Variants in TMPRSS15 observed in about 807,000 individuals in gnomAD.
TMPRSS15 encodes the protein enteropeptidase.
A neutral mutation model predicts 125.3 loss-of-function variants in TMPRSS15; 128 were observed. That is an observed-to-expected ratio of 1.02 (90% CI 0.89 to 1.18). TMPRSS15 has a LOEUF of 1.18. TMPRSS15 is among the 50% of genes most tolerant of loss of function. TMPRSS15 has a pLI of 0.00. For synonymous variants in TMPRSS15, 446 were observed against 423.2 expected, an observed-to-expected ratio of 1.05 and a Z score of -0.66; for missense variants, 1,283 against 1,212.7, an observed-to-expected ratio of 1.06 and a Z score of -0.86.
intron 1 of TMPRSS15, among the ~76,000 whole-genome samples, chr21:18,431,095 A>G (rs1205557907): frequency 6.6e-6 from 1 of 152,198 alleles, no homozygotes; most frequent in East Asian, 1.9e-4. Context: ...CAAATTGTCC[A>G]GATCACCATT....
intron 1 of TMPRSS15, among the ~76,000 whole-genome samples, chr21:18,466,628 G>A (rs1978667494): frequency 6.6e-6 from 1 of 152,230 alleles, no homozygotes; most frequent in East Asian, 1.9e-4. Context: ...CTCAAAAGAA[G>A]ACATTTATGT....
Position 18,352,934 on chromosome 21 carries a change from G to A in TMPRSS15, c.1140C>T (p.Pro380=). The A allele has an allele frequency of 6.2e-7, 1 of 1,612,150 alleles. No homozygotes were observed. The highest frequency in any genetic ancestry group is 8.5e-7 in the Non-Finnish European group (1 of 1,178,796). The change falls in exon 10 of 25, where the codon CCC becomes CCT. Residue 380 remains proline, a synonymous_variant. Coordinates refer to ENST00000284885, the MANE Select transcript of TMPRSS15 (RefSeq NM_002772.3). ...CATTGCCAAAAGTGTGGTCAAAATT[G>A]GGTCCAGTAAAAGGAGAAAAGGTGC... ...QGSTFSPFTG[P]NFDHTFGNAS... is the part of the protein sequence containing the mutation.
chr21:18,320,565 T>C (rs896704375), intron 16 of TMPRSS15, among the ~76,000 whole-genome samples: 3 of 152,194 alleles, frequency 2.0e-5, no homozygotes, highest in Admixed American at 1.3e-4. Flanking sequence ...GTTTTAAAAA[T>C]GTAATTCATT....
chr21:18,341,281 G>C (rs1010590287), intron 13 of TMPRSS15, 132 bp downstream of exon 13: 1 of 1,065,396 alleles, frequency 9.4e-7, no homozygotes, highest in Non-Finnish European at 1.4e-6. Context: ...GTAATCCTCA[G>C]GCTGGTCTCA....
chr21:18,410,107 T>G (rs974939344), intron 1 of TMPRSS15, among the ~76,000 whole-genome samples: 2 of 135,004 alleles, frequency 1.5e-5, no homozygotes, highest in Admixed American at 1.5e-4. Flanking sequence ...GAAATTAACC[T>G]GGATATGCAT....
intron 16 of TMPRSS15, among the ~76,000 whole-genome samples, chr21:18,317,212 T>G (rs2075176273): frequency 6.6e-6 from 1 of 152,164 alleles, no homozygotes; most frequent in Non-Finnish European, 1.5e-5. Context: ...AAGGAATTAT[T>G]CCTGTTGTTT....
At chr21:18,455,216 TA>T in intron 1 of TMPRSS15, among the ~76,000 whole-genome samples, 1 of 152,296 alleles carries the variant, frequency 6.6e-6, no homozygotes, top group African/African-American at 2.4e-5. Context: ...ATTAGTCAAT[TA>T]AACCTCTTTC....
At chr21:18,460,536 C>T (rs951837774) in intron 1 of TMPRSS15, 3 of 152,102 alleles carry the variant, frequency 2.0e-5, no homozygotes, top group Non-Finnish European at 4.4e-5. Flanking sequence ...GTGTTTGTGT[C>T]TGTAGAAAGA....
intron 12 of TMPRSS15, among the ~76,000 whole-genome samples, chr21:18,342,557 C>T (rs1184103201): frequency 6.6e-6 from 1 of 152,212 alleles, no homozygotes. Context: ...AGAAAAGACG[C>T]TCAATGAGTA....
intron 15 of TMPRSS15, 85 bp downstream of exon 15, chr21:18,329,084 G>A (rs2073707374): frequency 6.6e-7 from 1 of 1,503,940 alleles, no homozygotes; most frequent in Non-Finnish European, 9.2e-7. Context: ...GTAAAAGAGT[G>A]ATTACATTAA....
intron 8 of TMPRSS15, among the ~76,000 whole-genome samples, chr21:18,356,201 G>A (rs2075622841): frequency 6.6e-6 from 1 of 151,770 alleles, no homozygotes; most frequent in South Asian, 2.1e-4. Context: ...TGTGAAAGAA[G>A]AAAGAAGTAT....
chr21:18,342,524 A>G (rs186697513), intron 12 of TMPRSS15, among the ~76,000 whole-genome samples: 1 of 152,296 alleles, frequency 6.6e-6, no homozygotes, highest in East Asian at 1.9e-4. Context: ...GCTGTGAGAA[A>G]CTGGATCCAA....
At chr21:18,444,959 C>A (rs567420629) in intron 1 of TMPRSS15, among the ~76,000 whole-genome samples, 3 of 152,032 alleles carry the variant, frequency 2.0e-5, no homozygotes, top group Non-Finnish European at 4.4e-5. Context: ...TAGCTTGGTG[C>A]AAAGTAGTTG....
At chr21:18,436,981 G>T (rs1327803984) in intron 1 of TMPRSS15, among the ~76,000 whole-genome samples, 2 of 139,340 alleles carry the variant, frequency 1.4e-5, no homozygotes, top group African/African-American at 5.4e-5. Flanking sequence ...CTACTTTAAA[G>T]TTCATATGGA....
At chr21:18,328,152 T>C (rs1004858839) in intron 15 of TMPRSS15, among the ~76,000 whole-genome samples, 1 of 152,162 alleles carries the variant, frequency 6.6e-6, no homozygotes, top group Non-Finnish European at 1.5e-5. Context: ...TATTCTATTA[T>C]CTATAGAATA....
In TMPRSS15 at chr21:18,270,046, A is replaced by G. The variant is rs764022187; in HGVS notation, c.2983T>C (p.Cys995Arg). Residue 995 changes from cysteine (C) to arginine (R), a missense_variant, in exon 25 of 25, where the codon TGT becomes CGT. Coordinates refer to ENST00000284885, the MANE Select transcript of TMPRSS15 (RefSeq NM_002772.3). ...ACTCCGGGGCGATTAGGCAGGGCAC[A>G]CTTGTATCCAAATGAGGTCACACCA... ...LAGVTSFGYKCALPNRPGVYA... is the reference protein window; with the variant it reads ...LAGVTSFGYKRALPNRPGVYA... 1 of 1,613,992 alleles carries G rather than the reference A, an allele frequency of 6.2e-7. No homozygotes were observed. Among genetic ancestry groups the G allele is most frequent in the Non-Finnish European group, 8.5e-7 (1 of 1,179,920 alleles).
chr21:18,275,643 G>C (rs1391983330), intron 23 of TMPRSS15, among the ~76,000 whole-genome samples: 5 of 152,112 alleles, frequency 3.3e-5, no homozygotes, highest in Admixed American at 1.3e-4. Flanking sequence ...GCTCATGGGG[G>C]AAAACGCTCC....
At chr21:18,462,037 T>C (rs1978560551) in intron 1 of TMPRSS15, among the ~76,000 whole-genome samples, 1 of 152,172 alleles carries the variant, frequency 6.6e-6, no homozygotes, top group South Asian at 2.1e-4. Context: ...GACTTCAATT[T>C]ACCCTTCCTA....
chr21:18,475,824 C>G (rs1191346669), intron 1 of TMPRSS15, among the ~76,000 whole-genome samples: 1 of 152,164 alleles, frequency 6.6e-6, no homozygotes, highest in Non-Finnish European at 1.5e-5. Flanking sequence ...ATTACTTTGG[C>G]TTAAAGCTTG....
Sources: allele counts gnomAD v4.1 joint callset (sites outside exome capture counted in the v4.1 genomes callset), GRCh38; gene constraint gnomAD v4.1.1; transcripts MANE v1.5; gene names NCBI Gene and HGNC (gene_info 2026-07-23, HGNC 2026-07-21).